DBT: variants seen among roughly 807,000 people sequenced by gnomAD.
DBT encodes the protein dihydrolipoamide branched chain transacylase E2.
In DBT, 40 loss-of-function variants were observed where a neutral mutation model predicts 51.3. That is an observed-to-expected ratio of 0.78 (90% CI 0.61 to 1.02). DBT has a LOEUF of 1.02. DBT is among the 50% of genes least tolerant of loss of function. DBT has a pLI of 0.00. For synonymous variants in DBT, 181 were observed against 190.4 expected, an observed-to-expected ratio of 0.95 and a Z score of 0.41; for missense variants, 510 against 580.2, an observed-to-expected ratio of 0.88 and a Z score of 1.24.
intron 1 of DBT, among the ~76,000 whole-genome samples, chr1:100,245,075 G>C (rs1664464067): frequency 1.3e-5 from 2 of 152,048 alleles, no homozygotes; most frequent in Admixed American, 1.3e-4. Context: ...AAGAGGAGAA[G>C]AAATAATTTT....
rs1267491035 is a variant in DBT, at chr1:100,241,693, G to A, written c.52-809C>T. On this transcript the variant is annotated intron_variant, in intron 1 of 10. Coordinates refer to ENST00000370132, the MANE Select transcript of DBT (RefSeq NM_001918.5). The stretch of plus-strand genomic sequence containing the variant: ...ATTACAGGTGCGAGCCACCATGCCA[G>A]GCCATAATATCTTATTTGGAAAGTT... Among the ~76,000 whole-genome samples, 3 of 152,110 alleles carry A rather than the reference G, an allele frequency of 2.0e-5. No homozygotes were observed. The East Asian group carries it at 5.8e-4, about 29-fold the overall frequency.
intron 3 of DBT, 98 bp from the exon 4 acceptor site, chr1:100,231,012 C>A: frequency 1.3e-6 from 1 of 771,292 alleles, no homozygotes; most frequent in South Asian, 1.4e-5. Context: ...CAGTATTCAT[C>A]TAGCCCAGCA....
rs1313826394 is a variant in DBT at position 100,194,584 on chromosome 1, G to C, written c.*1671C>G. The stretch of plus-strand genomic sequence containing the variant: ...TGGTCTCGAACTCCTGACCTCAGGT[G>C]ATCTGGCCACCTCGGCCTCCCAAAG... On this transcript the variant is annotated 3_prime_UTR_variant, in exon 11 of 11. Coordinates refer to ENST00000370132, the MANE Select transcript of DBT (RefSeq NM_001918.5). 6.6e-6 allele frequency: 1 copy of C among 152,096 alleles called. No individual in the cohort carries two copies. The highest frequency in any genetic ancestry group is 2.4e-5 in the African/African-American group (1 of 41,402). The allele number at this position is 152,096 out of a possible 1,614,324, so 9.4% of individuals were successfully genotyped here. A position where few individuals can be genotyped will look rare whatever the true frequency, so the allele number is the denominator to read the frequency against.
At chr1:100,248,365 A>C (rs1170792756) in intron 1 of DBT, among the ~76,000 whole-genome samples, 1 of 152,214 alleles carries the variant, frequency 6.6e-6, no homozygotes, top group East Asian at 1.9e-4. Flanking sequence ...ATGGATACTT[A>C]ATTTCCTATT....
chr1:100,220,053 G>T (rs909651244), intron 4 of DBT, among the ~76,000 whole-genome samples: 1 of 152,046 alleles, frequency 6.6e-6, no homozygotes, highest in Non-Finnish European at 1.5e-5. Context: ...GCTGAAGTGG[G>T]AGGATCACTT....
intron 10 of DBT, among the ~76,000 whole-genome samples, chr1:100,202,724 G>A (rs1661528582): frequency 6.6e-6 from 1 of 152,042 alleles, no homozygotes; most frequent in Non-Finnish European, 1.5e-5. Context: ...ACAATAACAA[G>A]CAGTCTCTCA....
intron 5 of DBT, among the ~76,000 whole-genome samples, chr1:100,216,812 G>A (rs915851969): frequency 5.3e-5 from 8 of 152,134 alleles, no homozygotes; most frequent in African/African-American, 1.9e-4. Flanking sequence ...TCTGGTAGTT[G>A]CTTTGGAAAG....
Position 100,187,373 on chromosome 1 carries a change from T to C in DBT, c.*8882A>G, listed in dbSNP as rs1660611208. ...TACTGCATAGCAAATTAAAAAGATA[T>C]GCTCATCCCACTTTTATTTTTATGC... On this transcript the variant is annotated 3_prime_UTR_variant, in exon 11 of 11. Coordinates refer to ENST00000370132, the MANE Select transcript of DBT (RefSeq NM_001918.5). 6.6e-6 allele frequency: 1 copy of C among 152,240 alleles called. No individual in the cohort carries two copies. Among genetic ancestry groups the C allele is most frequent in the African/African-American group, 2.4e-5 (1 of 41,466 alleles). The allele number at this position is 152,240 out of a possible 1,614,324, so 9.4% of individuals were successfully genotyped here.
intron 2 of DBT, among the ~76,000 whole-genome samples, chr1:100,237,969 A>G (rs978329214): frequency 8.5e-5 from 13 of 152,186 alleles, no homozygotes; most frequent in Non-Finnish European, 1.5e-4. Flanking sequence ...ATATTTATAT[A>G]CTTTTCAAAG....
intron 10 of DBT, among the ~76,000 whole-genome samples, chr1:100,199,366 C>T (rs1661299019): frequency 6.6e-6 from 1 of 152,254 alleles, no homozygotes; most frequent in Non-Finnish European, 1.5e-5. Context: ...TTTAAAATAA[C>T]ATTTTCAATT....
chr1:100,249,577 G>C (rs1382263830), intron 1 of DBT, among the ~76,000 whole-genome samples, 193 bp downstream of exon 1: 1 of 152,156 alleles, frequency 6.6e-6, no homozygotes, highest in Non-Finnish European at 1.5e-5. Flanking sequence ...CCAGGTAAGG[G>C]GAGGGAGTGG....
intron 4 of DBT, among the ~76,000 whole-genome samples, chr1:100,225,662 T>TA (rs1663152500): frequency 6.6e-6 from 1 of 151,630 alleles, no homozygotes; most frequent in Non-Finnish European, 1.5e-5. Context: ...TCACCTCTAC[T>TA]AAAAATACAA....
intron 10 of DBT, among the ~76,000 whole-genome samples, chr1:100,205,090 C>A (rs1661684375): frequency 6.6e-6 from 1 of 152,036 alleles, no homozygotes; most frequent in Admixed American, 6.6e-5. Flanking sequence ...TGCAACAAAG[C>A]CAAAATTGAC....
chr1:100,200,987 C>T (rs778262475), intron 10 of DBT, among the ~76,000 whole-genome samples: 3 of 151,998 alleles, frequency 2.0e-5, no homozygotes, highest in East Asian at 1.9e-4. Flanking sequence ...TGCCAAAAAC[C>T]AGGACGCCTC....
At chr1:100,242,153 A>G (rs1664260958) in intron 1 of DBT, among the ~76,000 whole-genome samples, 1 of 152,208 alleles carries the variant, frequency 6.6e-6, no homozygotes, top group Non-Finnish European at 1.5e-5. Flanking sequence ...CCTTCTTAGT[A>G]TAAGAATACT....
At chr1:100,224,957 C>T (rs1663081091) in intron 4 of DBT, among the ~76,000 whole-genome samples, 3 of 145,450 alleles carry the variant, frequency 2.1e-5, no homozygotes, top group African/African-American at 7.7e-5. Flanking sequence ...AGTTGGAGGT[C>T]GCAGTGAGCC....
intron 1 of DBT, among the ~76,000 whole-genome samples, chr1:100,243,446 C>A (rs571039075): frequency 1.3e-5 from 2 of 151,784 alleles, no homozygotes; most frequent in African/African-American, 2.4e-5. Context: ...TCCCAAGTAG[C>A]TGGGACTACA....
intron 7 of DBT, chr1:100,211,091 C>T (rs772449076): frequency 3.1e-5 from 24 of 779,052 alleles, no homozygotes; most frequent in South Asian, 1.1e-4. Context: ...TCCTCACTGA[C>T]ATGTTGATCT....
intron 10 of DBT, chr1:100,196,977 G>A (rs114027097): frequency 0.016 from 3,376 of 211,528 alleles, 34 homozygotes; most frequent in Non-Finnish European, 0.022. Context: ...GATCAGGCCC[G>A]GAGAGAGGAA....
Sources: allele counts gnomAD v4.1 joint callset (sites outside exome capture counted in the v4.1 genomes callset), GRCh38; gene constraint gnomAD v4.1.1; transcripts MANE v1.5; gene names NCBI Gene and HGNC (gene_info 2026-07-23, HGNC 2026-07-21).